Variants in PDE12 observed in about 807,000 individuals in gnomAD.
PDE12 encodes phosphodiesterase 12.
In PDE12, 26 loss-of-function variants were observed where a neutral mutation model predicts 45.4. The ratio of observed to expected loss-of-function variants is 0.57; its 90% CI spans 0.42 to 0.79. The LOEUF is 0.79. PDE12 is among the 30% of genes least tolerant of loss of function. The pLI, the probability that PDE12 is intolerant of heterozygous loss-of-function variation, is 0.00. For missense variants in PDE12, 668 were observed against 790.0 expected (o/e 0.85, Z 1.85); for synonymous variants, 283 against 323.9 (o/e 0.87, Z 1.36).
downstream of PDE12, among the ~76,000 whole-genome samples, chr3:57,570,130 T>C (rs1425458115): frequency 6.6e-6 from 1 of 151,940 alleles, no homozygotes; most frequent in Non-Finnish European, 1.5e-5. Flanking sequence ...GCTAGGGAAA[T>C]TGCATTTCTA....
chr3:57,647,951 G>T, the PDE12 span, among the ~76,000 whole-genome samples: 1 of 152,048 alleles, frequency 6.6e-6, no homozygotes, highest in East Asian at 1.9e-4. Context: ...GAATGTCAGG[G>T]CCCAGTGGGG....
chr3:57,574,854 C>T, the PDE12 span, among the ~76,000 whole-genome samples: 1 of 151,860 alleles, frequency 6.6e-6, no homozygotes, highest in Admixed American at 6.6e-5. Flanking sequence ...CCCCCATCTC[C>T]ACTTTTTTTT....
the PDE12 span, among the ~76,000 whole-genome samples, chr3:57,616,659 C>A: frequency 6.6e-6 from 1 of 152,152 alleles, no homozygotes; most frequent in Non-Finnish European, 1.5e-5. Flanking sequence ...AGACATAATA[C>A]CAATTTGACA....
the PDE12 span, among the ~76,000 whole-genome samples, chr3:57,604,797 G>C: frequency 2.6e-5 from 4 of 151,698 alleles, no homozygotes; most frequent in Non-Finnish European, 5.9e-5. Flanking sequence ...AATTTTTTTA[G>C]AGATGGGGTC....
At chr3:57,638,292 C>A in the PDE12 span, among the ~76,000 whole-genome samples, 27 of 145,402 alleles carry the variant, frequency 1.9e-4, no homozygotes, top group Admixed American at 4.7e-4. Flanking sequence ...AAAAAAAAAA[C>A]CCATTCAAAC....
the PDE12 span, chr3:57,634,515 C>T: frequency 1.8e-6 from 2 of 1,137,978 alleles, no homozygotes; most frequent in Non-Finnish European, 2.4e-6. Context: ...TATTACATAC[C>T]TGAACAAGGA....
rs562425579 is a variant in PDE12 at position 57,566,434 on chromosome 3, A to G, written c.*6430A>G. The G allele has an allele frequency of 6.6e-6, 1 of 152,358 alleles. No homozygotes were observed. Among genetic ancestry groups the G allele is most frequent in the South Asian group, 2.1e-4 (1 of 4,830 alleles). 9.4% of individuals were successfully genotyped at this position (152,358 alleles called of 1,614,324 possible). A position where few individuals can be genotyped will look rare whatever the true frequency, so the allele number is the denominator to read the frequency against. On this transcript the variant is annotated 3_prime_UTR_variant, in exon 3 of 3. Transcript: ENST00000311180. Reference sequence around the variant, plus strand: ...CCTGGCTTCTATGAATAATGCTGCCATAAACATTTGTGATAAGTTTTTGAG... The same window carrying G: ...CCTGGCTTCTATGAATAATGCTGCCGTAAACATTTGTGATAAGTTTTTGAG...
the PDE12 span, chr3:57,630,469 T>C: frequency 5.0e-6 from 8 of 1,596,614 alleles, no homozygotes; most frequent in Non-Finnish European, 6.0e-6. Flanking sequence ...TTTGGGTCAT[T>C]TCCTTCCTCC....
chr3:57,568,155 C>A (rs2069803481), downstream of PDE12, among the ~76,000 whole-genome samples: 1 of 150,106 alleles, frequency 6.7e-6, no homozygotes, highest in Non-Finnish European at 1.5e-5. Flanking sequence ...GACAAAGAAC[C>A]AGGTATTTCA....
the PDE12 span, chr3:57,631,074 T>G: frequency 9.0e-7 from 1 of 1,115,024 alleles, no homozygotes; most frequent in South Asian, 1.5e-5. Context: ...TTTAATCATA[T>G]GCCCTTTCAA....
At chr3:57,611,959 C>T in the PDE12 span, among the ~76,000 whole-genome samples, 1 of 152,036 alleles carries the variant, frequency 6.6e-6, no homozygotes. Flanking sequence ...TATCGCGGCA[C>T]TATTCACAAT....
In PDE12 at chr3:57,562,037, C is replaced by A. The variant is rs1575774103; in HGVS notation, c.*2033C>A. Reference sequence around the variant, plus strand: ...TGTAAATAATAGATTAAAACCAAATCTTGATTCTCTTGTGAATTTTTTTTT... The same window carrying A: ...TGTAAATAATAGATTAAAACCAAATATTGATTCTCTTGTGAATTTTTTTTT... On this transcript the variant is annotated 3_prime_UTR_variant, in exon 3 of 3. Transcript: ENST00000311180. The A allele has an allele frequency of 1.0e-6, 1 of 979,962 alleles. No homozygotes were observed. The allele number at this position is 979,962 out of a possible 1,614,324, so 60.7% of individuals were successfully genotyped here.
the PDE12 span, chr3:57,630,386 T>G: frequency 2.6e-6 from 4 of 1,513,622 alleles, no homozygotes; most frequent in Non-Finnish European, 3.6e-6. Context: ...TTTTCAACAG[T>G]TGTTAATCAT....
the PDE12 span, among the ~76,000 whole-genome samples, chr3:57,630,150 G>A: frequency 6.6e-6 from 1 of 152,178 alleles, no homozygotes; most frequent in South Asian, 2.1e-4. Flanking sequence ...GCAGGGATGT[G>A]ATCTGAGGCA....
the PDE12 span, among the ~76,000 whole-genome samples, chr3:57,652,780 G>A: frequency 1.1e-4 from 16 of 152,138 alleles, no homozygotes; most frequent in Admixed American, 2.0e-4. Context: ...ATCTAATCAG[G>A]AGTAAATACC....
At chr3:57,646,454 CA>C in the PDE12 span, 9 of 1,598,846 alleles carry the variant, frequency 5.6e-6, no homozygotes, top group Non-Finnish European at 6.8e-6. Flanking sequence ...AGGTGATGCA[CA>C]GTAGAAATAC....
At chr3:57,614,501 C>T in the PDE12 span, among the ~76,000 whole-genome samples, 1 of 149,230 alleles carries the variant, frequency 6.7e-6, no homozygotes, top group African/African-American at 2.5e-5. Context: ...CTGCCGGACA[C>T]GGTGGCTCAC....
chr3:57,608,500 G>A, the PDE12 span, among the ~76,000 whole-genome samples: 13 of 152,074 alleles, frequency 8.5e-5, no homozygotes, highest in African/African-American at 2.9e-4. Context: ...CCCATCTCAT[G>A]TGCAGAGACA....
the PDE12 span, among the ~76,000 whole-genome samples, chr3:57,609,321 CAG>C: frequency 6.6e-6 from 1 of 151,982 alleles, no homozygotes; most frequent in Non-Finnish European, 1.5e-5. Context: ...TCACAATTGA[CAG>C]AACTAGAGAA....
Sources: allele counts gnomAD v4.1 joint callset (sites outside exome capture counted in the v4.1 genomes callset), GRCh38; gene constraint gnomAD v4.1.1; transcripts MANE v1.5; gene names NCBI Gene and HGNC (gene_info 2026-07-23, HGNC 2026-07-21).